Variants in DNAH8 observed in about 807,000 individuals in gnomAD.
The protein encoded by DNAH8 is dynein axonemal heavy chain 8.
A neutral mutation model predicts 562.1 loss-of-function variants in DNAH8; 382 were observed. That is an observed-to-expected ratio of 0.68 (90% CI 0.63 to 0.74). DNAH8 has a LOEUF of 0.74. DNAH8 is among the 30% of genes least tolerant of loss of function. The pLI is 0.00. For synonymous variants in DNAH8, 1,881 were observed against 1,919.4 expected (o/e 0.98, Z 0.52); for missense variants, 5,203 against 5,620.4 (o/e 0.93, Z 2.37).
At chr6:39,010,820 CGTATGTATGT>C (rs1253855513) in intron 89 of DNAH8, among the ~76,000 whole-genome samples, 33 of 132,830 alleles carry the variant, frequency 2.5e-4, no homozygotes, top group African/African-American at 5.8e-4. Context: ...CACACACACA[CGTATGTATGT>C]ATGTATGTAT....
At chr6:38,944,588 A>T (rs1206798305) in intron 79 of DNAH8, among the ~76,000 whole-genome samples, 2 of 152,284 alleles carry the variant, frequency 1.3e-5, no homozygotes, top group Non-Finnish European at 2.9e-5. Context: ...CATGCAATAG[A>T]GGAATTTTTA....
At chr6:38,782,953 T>G (rs1768785025) in intron 16 of DNAH8, 51 bp from the exon 17 acceptor site, 13 of 1,512,964 alleles carry the variant, frequency 8.6e-6, no homozygotes, top group African/African-American at 1.4e-5. Flanking sequence ...TATTTGGATA[T>G]AAAAACATTC....
rs1324082404 is a variant in DNAH8, at chr6:39,030,729, G to A, written c.*337G>A. On this transcript the variant is annotated 3_prime_UTR_variant, in exon 93 of 93. Coordinates refer to ENST00000327475, the MANE Select transcript of DNAH8 (RefSeq NM_001206927.2). ...TATGTGACATCCTAAAAAGAGCCTA[G>A]TAGTTGTAAACTTTTCCCTCAAGTA... Among the ~76,000 whole-genome samples the A allele has an allele frequency of 6.6e-6, 1 of 152,180 alleles. No individual in the cohort carries two copies. Among genetic ancestry groups the A allele is most frequent in the Non-Finnish European group, 1.5e-5 (1 of 68,038 alleles).
chr6:38,816,858 A>T (rs182782729), intron 26 of DNAH8, among the ~76,000 whole-genome samples: 2 of 151,786 alleles, frequency 1.3e-5, no homozygotes, highest in East Asian at 3.9e-4. Context: ...TTTTTTTTAT[A>T]TATGTTTTTT....
rs373670534 is a variant in DNAH8 at position 38,842,912 on chromosome 6, G to C, written c.4845+9G>C. On this transcript the variant is annotated intron_variant, in intron 35 of 92. Transcript: ENST00000327475. ...ATAAGGATGATATTGAGGTACATAA[G>C]TGTATACGTTCTTATCAATGATCCA... 6 of 1,612,418 alleles carry C rather than the reference G, an allele frequency of 3.7e-6. No homozygotes were observed. In the African/African-American group the frequency reaches 8.0e-5, roughly 22 times the overall value.
intron 18 of DNAH8, 118 bp downstream of exon 18, chr6:38,787,070 A>G (rs1470323739): frequency 2.0e-6 from 1 of 503,444 alleles, no homozygotes; most frequent in Admixed American, 4.4e-5. Context: ...AAATTTGTTA[A>G]TATGTTGATT....
Position 38,875,645 on chromosome 6 carries a change from T to A in DNAH8, c.7675T>A (p.Cys2559Ser), listed in dbSNP as rs911672488. The change falls in exon 53 of 93, where the codon TGT becomes AGT. Residue 2559 changes from cysteine (C) to serine (S), a missense_variant. Cys to Ser is a moderately radical substitution (Grantham distance 112, BLOSUM62 -1). Transcript: ENST00000327475. The part of the protein sequence containing the change: ...IPSKEEGGVS[C>S]VEHLHKLFVF... ...CTCCAAAGAAGAAGGCGGTGTTTCC[T>A]GTGTCGAACATCTTCATAAATTATT... The A allele has an allele frequency of 1.2e-6, 2 of 1,613,616 alleles. No individual in the cohort carries two copies. Among genetic ancestry groups the A allele is most frequent in the Non-Finnish European group, 1.7e-6 (2 of 1,179,716 alleles).
chr6:38,796,075 G>T (rs2127664737), intron 21 of DNAH8, among the ~76,000 whole-genome samples: 1 of 152,280 alleles, frequency 6.6e-6, no homozygotes, highest in Middle Eastern at 3.4e-3. Flanking sequence ...TTACCAATGG[G>T]TGTGCTAGAA....
chr6:38,889,041 G>A (rs1283438619), intron 57 of DNAH8, among the ~76,000 whole-genome samples: 1 of 152,208 alleles, frequency 6.6e-6, no homozygotes, highest in Non-Finnish European at 1.5e-5. Context: ...ATCTGTAGTT[G>A]ATTTTGCACA....
chr6:38,899,982 C>T lies in DNAH8; in HGVS notation c.9194+76C>T, dbSNP rs1035837724. The T allele has an allele frequency of 2.4e-6, 3 of 1,262,098 alleles. No homozygotes were observed. The Admixed American group carries it at 9.6e-5, about 40-fold the overall frequency. The allele number at this position is 1,262,098 out of a possible 1,614,324, so 78.2% of individuals were successfully genotyped here. On this transcript the variant is annotated intron_variant, in intron 62 of 92. Transcript: ENST00000327475. ...GTTAAATGTTTAGAAAAAAAGGAAG[C>T]ACAACAGTTTCCTGTATTTCTTTTT...
intron 74 of DNAH8, among the ~76,000 whole-genome samples, chr6:38,927,421 A>G (rs537944367): frequency 3.2e-4 from 49 of 152,232 alleles, no homozygotes; most frequent in Non-Finnish European, 6.6e-4. Context: ...AGAACACGAT[A>G]CATCAGTCTA....
intron 58 of DNAH8, among the ~76,000 whole-genome samples, chr6:38,891,674 A>G (rs1205033800): frequency 6.6e-6 from 1 of 152,258 alleles, no homozygotes; most frequent in African/African-American, 2.4e-5. Flanking sequence ...AGAAACTCAG[A>G]AATGAGTTGC....
intron 82 of DNAH8, among the ~76,000 whole-genome samples, chr6:38,958,325 C>T (rs1762390014): frequency 6.9e-6 from 1 of 145,152 alleles, no homozygotes; most frequent in South Asian, 2.2e-4. Context: ...TTTAAAAGTA[C>T]AAATGATCAA....
rs1052839309 is a variant in DNAH8, at chr6:39,001,532, G to T, written c.13215-7282G>T. On this transcript the variant is annotated intron_variant, in intron 88 of 92. Coordinates refer to ENST00000327475, the MANE Select transcript of DNAH8 (RefSeq NM_001206927.2). ...AAAAAATGAGGGCAGAGCATTCCAGGCTGTGGAGGTAACTTGGGAACAGTC... is the reference window on the plus strand; with the variant it reads ...AAAAAATGAGGGCAGAGCATTCCAGTCTGTGGAGGTAACTTGGGAACAGTC... 2.6e-5 allele frequency among the ~76,000 whole-genome samples: 4 copies of T among 152,150 alleles called. No homozygotes were observed. In the East Asian group the frequency reaches 7.8e-4, roughly 30 times the overall value.
At chr6:38,874,941 G>A (rs1463504856) in intron 52 of DNAH8, among the ~76,000 whole-genome samples, 1 of 152,222 alleles carries the variant, frequency 6.6e-6, no homozygotes, top group Non-Finnish European at 1.5e-5. Context: ...TTGAAAGACC[G>A]AGGATGTCCT....
At chr6:38,899,679 C>A in intron 61 of DNAH8, 97 bp from the exon 62 acceptor site, 1 of 1,354,106 alleles carries the variant, frequency 7.4e-7, no homozygotes, top group East Asian at 2.5e-5. Context: ...CTAATATCAT[C>A]TAGAAACATA....
chr6:38,741,575 C>A lies in DNAH8; in HGVS notation c.1117-136C>A, dbSNP rs1219499095. On this transcript the variant is annotated intron_variant, in intron 7 of 92. Transcript: ENST00000327475. ...ATTGAAGACATTCTCCTCTAGTCTT[C>A]ATTTACTGAGAGTTTTTAAACATTA... 5.9e-6 allele frequency: 4 copies of A among 673,644 alleles called. No homozygotes were observed. The East Asian group carries it at 1.1e-4, about 19-fold the overall frequency. 41.7% of individuals were successfully genotyped at this position (673,644 alleles called of 1,614,324 possible).
At chr6:39,018,575 C>A (rs1242674626) in intron 91 of DNAH8, among the ~76,000 whole-genome samples, 1 of 152,194 alleles carries the variant, frequency 6.6e-6, no homozygotes, top group Non-Finnish European at 1.5e-5. Flanking sequence ...CTTCCACCTG[C>A]CAAGTAGGAA....
intron 82 of DNAH8, among the ~76,000 whole-genome samples, chr6:38,957,875 A>AC (rs1389846018): frequency 1.6e-4 from 24 of 151,290 alleles, no homozygotes; most frequent in African/African-American, 5.1e-4. Flanking sequence ...CCAAAAAAAA[A>AC]AAAAAAAAAA....
Sources: allele counts gnomAD v4.1 joint callset (sites outside exome capture counted in the v4.1 genomes callset), GRCh38; gene constraint gnomAD v4.1.1; transcripts MANE v1.5; gene names NCBI Gene and HGNC (gene_info 2026-07-23, HGNC 2026-07-21).